SNTB1: variants seen among roughly 807,000 people sequenced by gnomAD.
SNTB1 encodes the protein beta-1-syntrophin.
Under a neutral mutation model 48.9 loss-of-function variants are expected in SNTB1, and 36 were observed. The ratio of observed to expected loss-of-function variants is 0.74; its 90% confidence interval spans 0.56 to 0.97. The LOEUF is 0.97. SNTB1 is among the 50% of genes least tolerant of loss of function. The pLI is 0.00. For synonymous variants in SNTB1, 299 were observed against 294.6 expected (o/e 1.01, Z -0.15); for missense variants, 786 against 703.4 (o/e 1.12, Z -1.33).
In SNTB1 at chr8:120,548,769, G is replaced by A; in HGVS notation, c.1326C>T (p.Ile442=). ...CHNSAELIAE[I]STACTYKNQE... ...GCTCACTGCAGTACTCACCAGTGCT[G>A]ATTTCAGCAATGAGTTCAGCAGAAT... Residue 442 remains isoleucine, a synonymous_variant, in exon 5 of 7, where the codon ATC becomes ATT. Transcript: ENST00000517992. The A allele has an allele frequency of 6.2e-7, 1 of 1,614,016 alleles. No individual in the cohort carries two copies. Among genetic ancestry groups the A allele is most frequent in the Non-Finnish European group, 8.5e-7 (1 of 1,179,916 alleles).
At chr8:120,641,748 T>C (rs1370154960) in intron 2 of SNTB1, among the ~76,000 whole-genome samples, 1 of 152,210 alleles carries the variant, frequency 6.6e-6, no homozygotes, top group Non-Finnish European at 1.5e-5. Flanking sequence ...GATCAAGAAA[T>C]AGAATATTAC....
chr8:120,647,119 C>T (rs1370645481), intron 2 of SNTB1, among the ~76,000 whole-genome samples: 1,903 of 134,864 alleles, frequency 0.014, 60 homozygotes, highest in African/African-American at 0.048. Context: ...AAAACCAGCT[C>T]CTGGATTCAT....
At chr8:120,647,415 C>T (rs1212254765) in intron 2 of SNTB1, among the ~76,000 whole-genome samples, 19 of 148,986 alleles carry the variant, frequency 1.3e-4, no homozygotes, top group South Asian at 2.1e-4. Flanking sequence ...GCCTTCATTT[C>T]GTTATGTACC....
rs150451843 is a variant in SNTB1, at chr8:120,540,900, T to A, written c.1524+910A>T. On this transcript the variant is annotated intron_variant, in intron 6 of 6. Transcript: ENST00000517992. Reference sequence around the variant, plus strand: ...GCAATTCTGAGAGATAAAAAGTCCCTAGGGTCTGTTAGGTGTGTTCTGCCC... The same window carrying A: ...GCAATTCTGAGAGATAAAAAGTCCCAAGGGTCTGTTAGGTGTGTTCTGCCC... Among the ~76,000 whole-genome samples, 3 of 152,268 alleles carry A rather than the reference T, an allele frequency of 2.0e-5. No homozygotes were observed. The East Asian group carries it at 5.8e-4, about 29-fold the overall frequency.
chr8:120,630,237 G>A (rs1816957344), intron 3 of SNTB1, among the ~76,000 whole-genome samples: 1 of 152,230 alleles, frequency 6.6e-6, no homozygotes, highest in African/African-American at 2.4e-5. Context: ...CTTCCAGCCA[G>A]CTTCAGCCCG....
At chr8:120,607,085 G>A (rs1816535164) in intron 3 of SNTB1, among the ~76,000 whole-genome samples, 2 of 151,902 alleles carry the variant, frequency 1.3e-5, no homozygotes, top group African/African-American at 4.8e-5. Context: ...AGTAGGCACA[G>A]AATTAGTATA....
At chr8:120,592,107 A>G (rs1258321840) in intron 3 of SNTB1, among the ~76,000 whole-genome samples, 4 of 152,234 alleles carry the variant, frequency 2.6e-5, no homozygotes. Context: ...ATTAAAAAGT[A>G]TGAAAAAGGC....
At chr8:120,540,833 T>C (rs969684533) in intron 6 of SNTB1, among the ~76,000 whole-genome samples, 1 of 152,110 alleles carries the variant, frequency 6.6e-6, no homozygotes, top group African/African-American at 2.4e-5. Context: ...CCTGGTACTG[T>C]CTTGGTGCCA....
chr8:120,708,282 T>G (rs1818411332), intron 1 of SNTB1, among the ~76,000 whole-genome samples: 1 of 151,606 alleles, frequency 6.6e-6, no homozygotes, highest in African/African-American at 2.4e-5. Context: ...GGAAAATTCT[T>G]TAAAAATAAT....
At chr8:120,600,588 A>G (rs1426231746) in intron 3 of SNTB1, among the ~76,000 whole-genome samples, 2 of 152,228 alleles carry the variant, frequency 1.3e-5, no homozygotes, top group Non-Finnish European at 2.9e-5. Context: ...AGTAGCTATT[A>G]CTCAGCAATA....
At chr8:120,661,554 T>C (rs991028775) in intron 2 of SNTB1, among the ~76,000 whole-genome samples, 1 of 152,228 alleles carries the variant, frequency 6.6e-6, no homozygotes, top group Non-Finnish European at 1.5e-5. Context: ...TAGGTATACA[T>C]GTGCCATGGT....
chr8:120,786,194 A>G (rs2130140616), intron 1 of SNTB1, among the ~76,000 whole-genome samples: 1 of 152,346 alleles, frequency 6.6e-6, no homozygotes, highest in African/African-American at 2.4e-5. Flanking sequence ...TAAGAGGAGC[A>G]GAGGGATTTC....
At chr8:120,699,845 A>G (rs1184512676) in intron 1 of SNTB1, among the ~76,000 whole-genome samples, 1 of 152,168 alleles carries the variant, frequency 6.6e-6, no homozygotes, top group Non-Finnish European at 1.5e-5. Context: ...CAACAGAGGA[A>G]TTCTCTCAGG....
chr8:120,762,461 C>A (rs1419172321), intron 1 of SNTB1, among the ~76,000 whole-genome samples: 1 of 152,138 alleles, frequency 6.6e-6, no homozygotes, highest in Non-Finnish European at 1.5e-5. Flanking sequence ...TGCATTAGGA[C>A]CTGATCCCTG....
chr8:120,741,938 A>G (rs976771433), intron 1 of SNTB1, among the ~76,000 whole-genome samples: 1 of 152,238 alleles, frequency 6.6e-6, no homozygotes, highest in Non-Finnish European at 1.5e-5. Flanking sequence ...CTTCAACTCT[A>G]TTCTCCAAAG....
At chr8:120,653,563 T>C (rs1381681503) in intron 2 of SNTB1, among the ~76,000 whole-genome samples, 1 of 152,194 alleles carries the variant, frequency 6.6e-6, no homozygotes, top group African/African-American at 2.4e-5. Context: ...GGTACTTTGT[T>C]ATGCCAATCC....
chr8:120,627,895 G>A (rs1816910340), intron 3 of SNTB1, among the ~76,000 whole-genome samples: 1 of 152,124 alleles, frequency 6.6e-6, no homozygotes, highest in South Asian at 2.1e-4. Context: ...CCACATACTA[G>A]AGGAGAGATC....
At chr8:120,652,726 A>C (rs1251581298) in intron 2 of SNTB1, among the ~76,000 whole-genome samples, 2 of 152,182 alleles carry the variant, frequency 1.3e-5, no homozygotes, top group African/African-American at 4.8e-5. Flanking sequence ...TCACAGGGTT[A>C]CTGGAGTATC....
At chr8:120,577,034 C>T (rs1444609341) in intron 3 of SNTB1, among the ~76,000 whole-genome samples, 2 of 152,046 alleles carry the variant, frequency 1.3e-5, no homozygotes, top group Non-Finnish European at 2.9e-5. Flanking sequence ...AAATGGTGTC[C>T]TTTGGAAATG....
Sources: allele counts gnomAD v4.1 joint callset (sites outside exome capture counted in the v4.1 genomes callset), GRCh38; gene constraint gnomAD v4.1.1; transcripts MANE v1.5; gene names NCBI Gene and HGNC (gene_info 2026-07-23, HGNC 2026-07-21).